PTPRD: variants seen among roughly 807,000 people sequenced by gnomAD.
The protein encoded by PTPRD is receptor-type tyrosine-protein phosphatase delta.
Under a neutral mutation model 214.5 loss-of-function variants are expected in PTPRD, and 34 were observed. The observed-to-expected ratio is 0.16, with a 90% CI of 0.12 to 0.21. PTPRD has a LOEUF of 0.21. PTPRD is among the 10% of genes least tolerant of loss of function. PTPRD has a pLI of 1.00. For synonymous variants in PTPRD, 1,128 were observed against 845.7 expected, an observed-to-expected ratio of 1.33 and a Z score of -5.79; for missense variants, 2,545 against 2,398.7, an observed-to-expected ratio of 1.06 and a Z score of -1.27.
At chr9:9,809,815 G>C (rs1247349343) in intron 5 of PTPRD, among the ~76,000 whole-genome samples, 2 of 152,138 alleles carry the variant, frequency 1.3e-5, no homozygotes, top group African/African-American at 4.8e-5. Flanking sequence ...AAGGGAAAAT[G>C]GTGACTTTGA....
intron 11 of PTPRD, among the ~76,000 whole-genome samples, chr9:8,855,326 C>A (rs1217619474): frequency 1.3e-5 from 2 of 152,038 alleles, no homozygotes; most frequent in Non-Finnish European, 2.9e-5. Context: ...CAAATCAAAT[C>A]ACTGTATTTA....
intron 36 of PTPRD, among the ~76,000 whole-genome samples, chr9:8,390,361 G>C (rs1179245086): frequency 3.9e-5 from 6 of 151,974 alleles, no homozygotes; most frequent in Non-Finnish European, 8.8e-5. Flanking sequence ...TCAATTATTA[G>C]AAAACATTTA....
chr9:8,957,348 T>A (rs1482594266), intron 11 of PTPRD, among the ~76,000 whole-genome samples: 1 of 151,866 alleles, frequency 6.6e-6, no homozygotes, highest in Admixed American at 6.6e-5. Flanking sequence ...TTGAGAATGC[T>A]TTATTCCACA....
At chr9:8,353,876 A>ATATATGTGTATATATGTATATATGTG (rs2076242750) in intron 39 of PTPRD, among the ~76,000 whole-genome samples, 2 of 139,366 alleles carry the variant, frequency 1.4e-5, no homozygotes, top group Non-Finnish European at 3.0e-5. Context: ...GTATATATGT[A>ATATATGTGTATATATGTATATATGTG]TATATGTGTA....
chr9:8,435,472 G>A (rs926963161), intron 35 of PTPRD, among the ~76,000 whole-genome samples: 1 of 152,084 alleles, frequency 6.6e-6, no homozygotes, highest in South Asian at 2.1e-4. Context: ...AAACCCCGAT[G>A]GTGAAATTTG....
chr9:10,178,358 G>C (rs2099261748), intron 3 of PTPRD, among the ~76,000 whole-genome samples: 1 of 151,778 alleles, frequency 6.6e-6, no homozygotes. Flanking sequence ...GGAAATAAAA[G>C]ATGGAATCAC....
At chr9:9,257,077 T>C (rs2099978037) in intron 9 of PTPRD, among the ~76,000 whole-genome samples, 1 of 152,014 alleles carries the variant, frequency 6.6e-6, no homozygotes, top group South Asian at 2.1e-4. Flanking sequence ...ATAAGAAATG[T>C]ATTAATATCT....
intron 8 of PTPRD, among the ~76,000 whole-genome samples, chr9:9,451,968 G>A (rs143202902): frequency 0.012 from 1,855 of 151,398 alleles, 28 homozygotes; most frequent in African/African-American, 0.042. Context: ...TTTCTAGAAA[G>A]AGATAGCAAA....
At chr9:9,451,171 A>G (rs1407954574) in intron 8 of PTPRD, among the ~76,000 whole-genome samples, 1 of 151,798 alleles carries the variant, frequency 6.6e-6, no homozygotes, top group Non-Finnish European at 1.5e-5. Context: ...TATAAGGTGC[A>G]ATACACAGAA....
chr9:9,012,890 G>C (rs1046231119), intron 11 of PTPRD, among the ~76,000 whole-genome samples: 2 of 151,992 alleles, frequency 1.3e-5, no homozygotes. Flanking sequence ...ACTATCTACT[G>C]GCCTACATCT....
intron 6 of PTPRD, among the ~76,000 whole-genome samples, chr9:9,750,530 T>G (rs766279043): frequency 6.6e-6 from 1 of 151,982 alleles, no homozygotes; most frequent in African/African-American, 2.4e-5. Context: ...ATAACCAATC[T>G]CAGTAAGAGT....
intron 9 of PTPRD, among the ~76,000 whole-genome samples, chr9:9,245,389 A>G (rs1345312581): frequency 6.6e-6 from 1 of 152,110 alleles, no homozygotes; most frequent in Admixed American, 6.6e-5. Flanking sequence ...ACAATGATAG[A>G]CTGGATTAAG....
At chr9:9,745,328 T>A (rs1033266525) in intron 6 of PTPRD, among the ~76,000 whole-genome samples, 1 of 152,098 alleles carries the variant, frequency 6.6e-6, no homozygotes, top group African/African-American at 2.4e-5. Context: ...AATTCAGTAA[T>A]TCTGACTACT....
At chr9:8,547,729 G>C (rs1210806593) in intron 14 of PTPRD, among the ~76,000 whole-genome samples, 1 of 151,120 alleles carries the variant, frequency 6.6e-6, no homozygotes, top group Non-Finnish European at 1.5e-5. Flanking sequence ...ATCAGCCCAT[G>C]ATAAAAATGA....
At chr9:9,925,919 C>G (rs1015119285) in intron 5 of PTPRD, among the ~76,000 whole-genome samples, 3 of 152,050 alleles carry the variant, frequency 2.0e-5, no homozygotes, top group African/African-American at 4.8e-5. Flanking sequence ...GCTTTGAACT[C>G]CTGGGCTAAA....
At chr9:9,279,574 A>T (rs1301491096) in intron 9 of PTPRD, among the ~76,000 whole-genome samples, 1 of 150,588 alleles carries the variant, frequency 6.6e-6, no homozygotes, top group Non-Finnish European at 1.5e-5. Flanking sequence ...CAGTATTTCT[A>T]TTGCAGACAA....
intron 14 of PTPRD, among the ~76,000 whole-genome samples, chr9:8,566,872 C>A (rs16928134): frequency 0.018 from 2,711 of 152,230 alleles, 80 homozygotes; most frequent in East Asian, 0.06. Flanking sequence ...CCAGCCTGGA[C>A]ACTGCCTTGG....
chr9:9,942,956 T>C (rs367572032), intron 4 of PTPRD, among the ~76,000 whole-genome samples: 17 of 149,798 alleles, frequency 1.1e-4, no homozygotes, highest in African/African-American at 2.5e-4. Flanking sequence ...ATATGAAAAC[T>C]GAAAATCACA....
At chr9:8,321,497 A>ATATATG (rs1827865544) in intron 44 of PTPRD, among the ~76,000 whole-genome samples, 1 of 81,472 alleles carries the variant, frequency 1.2e-5, no homozygotes, top group African/African-American at 8.6e-5. Flanking sequence ...GTATATATAT[A>ATATATG]TATATATATA....
Sources: gnomAD v4.1 joint callset for allele counts (sites outside exome capture counted in the v4.1 genomes callset) on GRCh38, gnomAD v4.1.1 for gene constraint, MANE v1.5 for transcripts, NCBI Gene and HGNC (gene_info 2026-07-23, HGNC 2026-07-21) for gene names.